Variants in MON2 observed in about 807,000 individuals in gnomAD.
MON2 encodes the protein protein MON2 homolog.
Under a neutral mutation model 208.6 loss-of-function variants are expected in MON2, and 84 were observed. That is an observed-to-expected ratio of 0.40 (90% confidence interval 0.34 to 0.48). The LOEUF is 0.48. Ranked by LOEUF, MON2 falls within the 20% of genes least tolerant of loss-of-function variation. The pLI is 0.59. For synonymous variants in MON2, 660 were observed against 694.0 expected (o/e 0.95, Z 0.77); for missense variants, 1,611 against 2,015.4 (o/e 0.80, Z 3.84).
rs565271606 is a variant in MON2 at position 62,553,787 on chromosome 12, A to G, written c.3210+613A>G. On this transcript the variant is annotated intron_variant, in intron 24 of 34. Transcript: ENST00000393630. ...TCATTCCCTCTTTGCTAAAAGTCTCATCTTTTTTGTTCCATCTGTTCCATT... is the reference window on the plus strand; with the variant it reads ...TCATTCCCTCTTTGCTAAAAGTCTCGTCTTTTTTGTTCCATCTGTTCCATT... Among the ~76,000 whole-genome samples the G allele has an allele frequency of 2.6e-5, 4 of 152,226 alleles. No homozygotes were observed. The South Asian group carries it at 8.3e-4, about 32-fold the overall frequency.
Position 62,538,096 on chromosome 12 carries a change from C to A in MON2, c.2119C>A (p.His707Asn). ...TTTTGATTTTTTTTTAATTTTACAG[C>A]ATCTTGTGTGGATTCTGGGATTAAA... ...SWQLVLATLQ[H>N]LVWILGLKPS... The change falls in exon 17 of 35, where the codon CAT (histidine) becomes AAT (asparagine). Residue 707 changes from histidine to asparagine, a missense_variant and splice_region_variant. Coordinates refer to ENST00000393630, the MANE Select transcript of MON2 (RefSeq NM_015026.3). 6.2e-7 allele frequency: 1 copy of A among 1,608,858 alleles called. No homozygotes were observed. The highest frequency in any genetic ancestry group is 1.7e-5 in the Admixed American group (1 of 59,044).
At chr12:62,555,392 C>T (rs1482904272) in intron 24 of MON2, among the ~76,000 whole-genome samples, 2 of 152,116 alleles carry the variant, frequency 1.3e-5, no homozygotes, top group South Asian at 2.1e-4. Context: ...CCATGTTGCC[C>T]AGGCTGGTCT....
At chr12:62,484,541 C>A (rs1355741802) in intron 2 of MON2, among the ~76,000 whole-genome samples, 1 of 152,160 alleles carries the variant, frequency 6.6e-6, no homozygotes, top group Non-Finnish European at 1.5e-5. Context: ...CTGAGACACA[C>A]CATAAAAAGC....
rs2073041081 is a variant in MON2, at chr12:62,537,654, G to A, written c.2066G>A (p.Cys689Tyr). 1 of 1,613,368 alleles carries A rather than the reference G, an allele frequency of 6.2e-7. No homozygotes were observed. Residue 689 changes from cysteine to tyrosine, a missense_variant, in exon 16 of 35, where the codon TGC becomes TAC. By Grantham distance (194) the Cys-to-Tyr change is radical (BLOSUM62 -2). Transcript: ENST00000393630. ...CMRTLLNLAH[C>Y]HGAVLGTSWQ... ...AGGACTTTACTTAACTTGGCGCATT[G>A]CCATGGGGCTGTTCTTGGAACATCA...
intron 1 of MON2, among the ~76,000 whole-genome samples, chr12:62,481,593 G>A (rs1381357930): frequency 2.0e-5 from 3 of 152,030 alleles, no homozygotes; most frequent in Non-Finnish European, 4.4e-5. Flanking sequence ...TGCAATCGGG[G>A]CATCAGGACT....
At position 62,526,087 on chromosome 12, in the gene MON2, G is replaced by A. The variant is rs534581357; in HGVS notation, c.1385G>A (p.Ser462Asn). ...ATTCTGACAATCACAGTTCAAGGCA[G>A]TGCTAAAGCCACCTAGTAAGTAGTA... ...IPILTITVQG[S>N]AKATYLEMLD... Residue 462 changes from serine (S) to asparagine (N), a missense_variant, in exon 11 of 35, where the codon AGT becomes AAT. Physicochemically the swap from Ser to Asn is conservative, Grantham distance 46 (BLOSUM62 1). Coordinates refer to ENST00000393630, the MANE Select transcript of MON2 (RefSeq NM_015026.3). 2.4e-4 allele frequency: 380 copies of A among 1,613,608 alleles called. 4 individuals are homozygous for A. The South Asian group carries it at 4.0e-3, about 17-fold the overall frequency.
At chr12:62,533,118 C>G (rs2072737717) in intron 12 of MON2, among the ~76,000 whole-genome samples, 1 of 152,088 alleles carries the variant, frequency 6.6e-6, no homozygotes, top group Non-Finnish European at 1.5e-5. Context: ...TTTTTGAGTA[C>G]AAGTCAGTCA....
rs368301923 is a variant in MON2, at chr12:62,476,046, C to A, written c.112-8124C>A. ...AGAAAAGGAAGGAAAAAGCATACCA[C>A]CTATGTGGGAATACCATGTATATAT... On this transcript the variant is annotated intron_variant, in intron 1 of 34. Transcript: ENST00000393630. Among the ~76,000 whole-genome samples, 9 of 152,020 alleles carry A rather than the reference C, an allele frequency of 5.9e-5. No homozygotes were observed. The East Asian group carries it at 1.2e-3, about 20-fold the overall frequency.
intron 25 of MON2, among the ~76,000 whole-genome samples, chr12:62,558,220 T>C (rs1364070208): frequency 6.6e-6 from 1 of 151,712 alleles, no homozygotes; most frequent in African/African-American, 2.4e-5. Context: ...TCAGGTGATC[T>C]GCCTGCCTCA....
At chr12:62,536,542 A>G (rs1272569738) in intron 14 of MON2, among the ~76,000 whole-genome samples, 2 of 152,196 alleles carry the variant, frequency 1.3e-5, no homozygotes, top group African/African-American at 4.8e-5. Context: ...TACCAGGGAT[A>G]CATGTTTAAA....
chr12:62,543,701 A>T (rs992767385), intron 20 of MON2, among the ~76,000 whole-genome samples: 1 of 151,712 alleles, frequency 6.6e-6, no homozygotes, highest in Non-Finnish European at 1.5e-5. Flanking sequence ...GCCGCCTCTC[A>T]GGTTCAGGCA....
intron 6 of MON2, 47 bp downstream of exon 6, chr12:62,500,927 T>TG (rs780134645): frequency 2.4e-5 from 30 of 1,226,530 alleles, no homozygotes; most frequent in Non-Finnish European, 3.4e-5. Flanking sequence ...TATAGTTTTG[T>TG]GTGAATTTTT....
rs575345423 is a variant in MON2 at position 62,505,726 on chromosome 12, A to T, written c.790-2560A>T. 1.7e-4 allele frequency among the ~76,000 whole-genome samples: 18 copies of T among 108,900 alleles called. No individual in the cohort carries two copies. The South Asian group carries it at 2.2e-3, about 13-fold the overall frequency. The allele number at this position is 108,900 out of a possible 152,430, so 71.4% of individuals were successfully genotyped here. ...TGAGACCTTGTCTCTACGAAAAATT[A>T]AAAAAAAAAAAAATCAGCTGGGCCT... On this transcript the variant is annotated intron_variant, in intron 7 of 34. Transcript: ENST00000393630.
intron 2 of MON2, among the ~76,000 whole-genome samples, chr12:62,492,904 G>C (rs2070245096): frequency 6.6e-6 from 1 of 151,738 alleles, no homozygotes; most frequent in Middle Eastern, 3.4e-3. Flanking sequence ...ACTTGAACCG[G>C]GGAGTCGGAG....
chr12:62,573,258 G>A (rs137957004), intron 30 of MON2, among the ~76,000 whole-genome samples: 11 of 152,118 alleles, frequency 7.2e-5, no homozygotes, highest in African/African-American at 2.4e-4. Context: ...GAGTTCCTTC[G>A]TAGACATAAG....
Position 62,493,804 on chromosome 12 carries a change from C to T in MON2, c.176-111C>T, listed in dbSNP as rs528453137. ...GATTTTTGTTTTGGTGTTTATTTTA[C>T]GTAAAGTGGATTTTTTTTGAGATCG... is the stretch of plus-strand genomic sequence containing the variant. On this transcript the variant is annotated intron_variant, in intron 2 of 34. Transcript: ENST00000393630. 3.0e-5 allele frequency: 23 copies of T among 773,476 alleles called. No homozygotes were observed. In the African/African-American group the frequency reaches 3.2e-4, roughly 11 times the overall value. 47.9% of individuals were successfully genotyped at this position (773,476 alleles called of 1,614,324 possible).
At chr12:62,545,622 C>T (rs2073449323) in intron 21 of MON2, 2 of 152,058 alleles carry the variant, frequency 1.3e-5, no homozygotes, top group Admixed American at 6.6e-5. Context: ...GTCATCCTTG[C>T]CCGGGGGCTG....
chr12:62,525,573 TG>T (rs2072287607), intron 10 of MON2, among the ~76,000 whole-genome samples: 1 of 36,292 alleles, frequency 2.8e-5, no homozygotes, highest in African/African-American at 1.8e-4. Context: ...GGGGTTAACA[TG>T]GTCATTGGAG....
chr12:62,493,786 G>A, intron 2 of MON2, 129 bp from the exon 3 acceptor site: 1 of 609,530 alleles, frequency 1.6e-6, no homozygotes, highest in South Asian at 3.4e-5. Context: ...CTTGATTTTT[G>A]TTTTGGTGTT....
Sources: allele counts gnomAD v4.1 joint callset (sites outside exome capture counted in the v4.1 genomes callset), GRCh38; gene constraint gnomAD v4.1.1; transcripts MANE v1.5; gene names NCBI Gene and HGNC (gene_info 2026-07-23, HGNC 2026-07-21).